Variants in LRP1B observed in about 807,000 individuals in gnomAD.
LRP1B encodes low-density lipoprotein receptor-related protein 1B.
A neutral mutation model predicts 556.6 loss-of-function variants in LRP1B; 217 were observed. That is an observed-to-expected ratio of 0.39 (90% confidence interval 0.35 to 0.44). The LOEUF (loss-of-function observed/expected upper bound fraction) is 0.44. Among genes scored for constraint, LRP1B ranks in the 20% least tolerant of loss-of-function variants. The pLI is 1.00. For synonymous variants in LRP1B, 2,047 were observed against 1,865.8 expected (o/e 1.10, Z -2.50); for missense variants, 5,053 against 5,620.8 (o/e 0.90, Z 3.23).
chr2:141,506,732 C>T (rs1388235302), intron 2 of LRP1B, among the ~76,000 whole-genome samples: 1 of 151,520 alleles, frequency 6.6e-6, no homozygotes, highest in African/African-American at 2.4e-5. Flanking sequence ...CGGCTATATA[C>T]AACAGAAAAA....
chr2:140,406,825 A>G (rs1215244242), intron 66 of LRP1B, among the ~76,000 whole-genome samples: 1 of 152,108 alleles, frequency 6.6e-6, no homozygotes, highest in Non-Finnish European at 1.5e-5. Context: ...CATTTTTCAC[A>G]AAACTAGAAA....
chr2:140,633,981 A>G (rs1021382220), intron 41 of LRP1B, among the ~76,000 whole-genome samples: 1 of 152,162 alleles, frequency 6.6e-6, no homozygotes, highest in Non-Finnish European at 1.5e-5. Flanking sequence ...CCAAAACTGT[A>G]TAAAGACATT....
chr2:140,718,599 G>T (rs1687291099), intron 35 of LRP1B, among the ~76,000 whole-genome samples: 1 of 151,750 alleles, frequency 6.6e-6, no homozygotes, highest in Non-Finnish European at 1.5e-5. Flanking sequence ...AAATAAGTTA[G>T]AATGGAGAAA....
chr2:141,217,136 G>A (rs897239342), intron 6 of LRP1B, among the ~76,000 whole-genome samples: 9 of 152,214 alleles, frequency 5.9e-5, no homozygotes, highest in African/African-American at 1.2e-4. Flanking sequence ...AATCTCCAAC[G>A]TTGGAGGTGG....
intron 60 of LRP1B, among the ~76,000 whole-genome samples, chr2:140,470,560 G>GCATGAA (rs1483160970): frequency 1.4e-5 from 2 of 145,344 alleles, no homozygotes; most frequent in African/African-American, 5.0e-5. Flanking sequence ...CAGGAGAATG[G>GCATGAA]CATGAACCTG....
chr2:142,118,182 A>G (rs1044339581), intron 1 of LRP1B, among the ~76,000 whole-genome samples: 2 of 151,986 alleles, frequency 1.3e-5, no homozygotes, highest in Admixed American at 1.3e-4. Flanking sequence ...TATTCTTATT[A>G]CAAATTGCAC....
chr2:141,607,674 T>C (rs1268322849), intron 2 of LRP1B, among the ~76,000 whole-genome samples: 2 of 152,086 alleles, frequency 1.3e-5, no homozygotes, highest in Non-Finnish European at 2.9e-5. Context: ...ATTCCAGCAC[T>C]TTGGGAGTCT....
intron 20 of LRP1B, among the ~76,000 whole-genome samples, chr2:140,944,795 G>T (rs1238894722): frequency 6.6e-6 from 1 of 152,118 alleles, no homozygotes; most frequent in African/African-American, 2.4e-5. Flanking sequence ...CAAACCCACA[G>T]TCAACATCAT....
intron 10 of LRP1B, among the ~76,000 whole-genome samples, chr2:141,051,409 A>T (rs1699031712): frequency 6.6e-6 from 1 of 152,124 alleles, no homozygotes; most frequent in African/African-American, 2.4e-5. Context: ...GGATAAAGAA[A>T]ATGTGGAACA....
In LRP1B at chr2:142,031,969, G is replaced by A. The variant is rs371378033; in HGVS notation, c.82+98679C>T. Reference sequence around the variant, plus strand: ...CTGGAGTCATGCTACTACAAGACAAGGAACTACCAGAAACCAGGAGGAGAC... The same window carrying A: ...CTGGAGTCATGCTACTACAAGACAAAGAACTACCAGAAACCAGGAGGAGAC... On this transcript the variant is annotated intron_variant, in intron 1 of 90. Transcript: ENST00000389484. Among the ~76,000 whole-genome samples the A allele has an allele frequency of 3.2e-4, 48 of 151,944 alleles. No homozygotes were observed. The South Asian group carries it at 9.6e-3, about 30-fold the overall frequency.
At position 141,751,138 on chromosome 2, in the gene LRP1B, G is replaced by A. The variant is rs13399985; in HGVS notation, c.205+59141C>T. Among the ~76,000 whole-genome samples, 661 of 151,928 alleles carry A rather than the reference G, an allele frequency of 4.4e-3. 6 individuals carry two copies. The highest frequency in any genetic ancestry group is 0.015 in the African/African-American group (602 of 41,482). On this transcript the variant is annotated intron_variant, in intron 2 of 90. Coordinates refer to ENST00000389484, the MANE Select transcript of LRP1B (RefSeq NM_018557.3). ...TATTCAAAAGAATAGAAGATATACT[G>A]GAGGAAAAAGTTAACAAATAAAACA... is the stretch of plus-strand genomic sequence containing the variant.
intron 2 of LRP1B, among the ~76,000 whole-genome samples, chr2:141,520,408 C>G (rs1684487197): frequency 6.6e-6 from 1 of 152,090 alleles, no homozygotes; most frequent in Admixed American, 6.6e-5. Flanking sequence ...TTCAACAGAG[C>G]TCGCTTAACT....
intron 7 of LRP1B, among the ~76,000 whole-genome samples, chr2:141,118,258 C>G (rs991383350): frequency 4.0e-5 from 6 of 151,758 alleles, no homozygotes; most frequent in Admixed American, 2.0e-4. Context: ...ACAGCAGAAA[C>G]AAAAACTCTT....
At chr2:141,405,505 T>C (rs1180518701) in intron 3 of LRP1B, among the ~76,000 whole-genome samples, 2 of 152,092 alleles carry the variant, frequency 1.3e-5, no homozygotes, top group Non-Finnish European at 2.9e-5. Flanking sequence ...ATACCTTTAG[T>C]AGTCAAATTA....
chr2:141,628,617 G>A (rs891674454), intron 2 of LRP1B, among the ~76,000 whole-genome samples: 2 of 152,060 alleles, frequency 1.3e-5, no homozygotes, highest in African/African-American at 4.8e-5. Context: ...AGGGAGATGG[G>A]CAGAAGCTAT....
At chr2:140,977,601 T>A (rs1696643014) in intron 18 of LRP1B, among the ~76,000 whole-genome samples, 3 of 152,040 alleles carry the variant, frequency 2.0e-5, no homozygotes, top group South Asian at 4.1e-4. Context: ...TAATTGCGTT[T>A]TTTTTTGTTG....
intron 7 of LRP1B, among the ~76,000 whole-genome samples, chr2:141,089,603 A>G (rs62173711): frequency 0.46 from 70,010 of 152,088 alleles, 16,938 homozygotes; most frequent in Middle Eastern, 0.57. Flanking sequence ...TAGGTTTAGC[A>G]TGCTACCACT....
intron 82 of LRP1B, among the ~76,000 whole-genome samples, chr2:140,319,787 TC>T (rs1680001737): frequency 6.6e-6 from 1 of 152,118 alleles, no homozygotes; most frequent in African/African-American, 2.4e-5. Flanking sequence ...ATTCTCTTAT[TC>T]CCCTATCACA....
At chr2:140,667,051 T>C (rs16844442) in intron 41 of LRP1B, among the ~76,000 whole-genome samples, 15,846 of 152,182 alleles carry the variant, frequency 0.1, 970 homozygotes, top group East Asian at 0.25. Context: ...AACTATTGTG[T>C]TTAAAATAAG....
Sources: gnomAD v4.1 joint callset for allele counts (sites outside exome capture counted in the v4.1 genomes callset) on GRCh38, gnomAD v4.1.1 for gene constraint, MANE v1.5 for transcripts, NCBI Gene and HGNC (gene_info 2026-07-23, HGNC 2026-07-21) for gene names.